The following STAT4 variants were observed in gnomAD, a reference collection of about 807,000 sequenced individuals.
STAT4 encodes the protein signal transducer and activator of transcription 4.
Under a neutral mutation model 110.5 loss-of-function variants are expected in STAT4, and 42 were observed. That is an observed-to-expected ratio of 0.38 (90% confidence interval 0.30 to 0.49). STAT4 has a LOEUF of 0.49. Ranked by LOEUF, STAT4 falls within the 20% of genes least tolerant of loss-of-function variation. The pLI is 0.95. For synonymous variants in STAT4, 284 were observed against 302.2 expected, an observed-to-expected ratio of 0.94 and a Z score of 0.63; for missense variants, 632 against 887.9, an observed-to-expected ratio of 0.71 and a Z score of 3.66.
intron 13 of STAT4, among the ~76,000 whole-genome samples, chr2:191,055,800 A>C (rs945608809): frequency 6.6e-6 from 1 of 152,216 alleles, no homozygotes; most frequent in Non-Finnish European, 1.5e-5. Flanking sequence ...TGAAATAAAG[A>C]CCTAACTGAT....
rs7602800 is a variant in STAT4, at chr2:191,142,244, T to C, written c.273+4369A>G. Reference sequence around the variant, plus strand: ...ATATATATATACACACACACACACATGCATACACACATATAATAGAATACT... The same window carrying C: ...ATATATATATACACACACACACACACGCATACACACATATAATAGAATACT... On this transcript the variant is annotated intron_variant, in intron 3 of 23. Transcript: ENST00000392320. The surrounding 1 kb of genome is among the most constrained non-coding windows in gnomAD (Gnocchi z 4.1). 0.034 allele frequency among the ~76,000 whole-genome samples: 5,205 copies of C among 150,946 alleles called. 307 individuals carry two copies. Among genetic ancestry groups the C allele is most frequent in the African/African-American group, 0.12 (4,916 of 40,690 alleles).
At chr2:191,055,365 ATTTTTTTTTT>A (rs371295889) in intron 13 of STAT4, among the ~76,000 whole-genome samples, 1 of 96,956 alleles carries the variant, frequency 1.0e-5, no homozygotes, top group African/African-American at 4.1e-5. Context: ...AGCCTGGCTA[ATTTTTTTTTT>A]TTTTTTTTTT....
Position 191,113,045 on chromosome 2 carries a change from A to G in STAT4, c.273+33568T>C, listed in dbSNP as rs1698469284. ...TCACACGAGTAGGGCAAGTGGGCCC[A>G]TCAGTTGTGCTGGTCTAAGCTCCCC... On this transcript the variant is annotated intron_variant, in intron 3 of 23. Transcript: ENST00000392320. The surrounding 1 kb of genome is among the most constrained non-coding windows in gnomAD (Gnocchi z 4.8). Among the ~76,000 whole-genome samples, 1 of 152,212 alleles carries G rather than the reference A, an allele frequency of 6.6e-6. No individual in the cohort carries two copies. The highest frequency in any genetic ancestry group is 2.4e-5 in the African/African-American group (1 of 41,464).
rs781181310 is a variant in STAT4, at chr2:191,043,418, G to A, written c.1252-2270C>T. On this transcript the variant is annotated intron_variant, in intron 14 of 23. Coordinates refer to ENST00000392320, the MANE Select transcript of STAT4 (RefSeq NM_003151.4). The surrounding 1 kb of genome is among the most constrained non-coding windows in gnomAD (Gnocchi z 4.8). ...GAAAGAGAACAGAGAAAATGGAGTA[G>A]AGGAAATGTCAAAGACATAAACAAA... Among the ~76,000 whole-genome samples, 57 of 152,158 alleles carry A rather than the reference G, an allele frequency of 3.7e-4. No homozygotes were observed. Among genetic ancestry groups the A allele is most frequent in the Admixed American group, 7.9e-4 (12 of 15,268 alleles).
intron 17 of STAT4, 47 bp downstream of exon 17, chr2:191,036,117 T>G (rs769621378): frequency 1.3e-6 from 2 of 1,594,134 alleles, no homozygotes; most frequent in Non-Finnish European, 1.7e-6. Context: ...TTAAAATGCC[T>G]GAGGGCCAAA....
rs181432530 is a variant in STAT4 at position 191,036,656 on chromosome 2, A to G, written c.1435-357T>C. On this transcript the variant is annotated intron_variant, in intron 16 of 23. Coordinates refer to ENST00000392320, the MANE Select transcript of STAT4 (RefSeq NM_003151.4). ...CCCGCTTGGCCCTCTTCCAAGTTGT[A>G]CTTTCCTTTCCTTCCTTTTCTTACT... is the stretch of plus-strand genomic sequence containing the variant. 4.9e-4 allele frequency among the ~76,000 whole-genome samples: 75 copies of G among 152,238 alleles called. 1 individual carries two copies. The highest frequency in any genetic ancestry group is 4.2e-3 in the Admixed American group (65 of 15,304).
chr2:191,146,679 A>G lies in STAT4; in HGVS notation c.207T>C (p.Gly69=). The change falls in exon 3 of 24, where the codon GGT becomes GGC. Residue 69 remains glycine, a synonymous_variant. Transcript: ENST00000392320. This position sits in a 1 kb window ranked among gnomAD's most constrained non-coding sequence, Gnocchi z 4.5. ...NLLIQLDEQL[G]RVSKEKNLLL... is the part of the protein sequence containing the mutation. Reference sequence around the variant, plus strand: ...GTAGGTTTTTCTCTTTGGAAACACGACCTAACTGTTCATCCAGTTGTATTA... The same window carrying G: ...GTAGGTTTTTCTCTTTGGAAACACGGCCTAACTGTTCATCCAGTTGTATTA... 6.3e-7 allele frequency: 1 copy of G among 1,595,910 alleles called. No individual in the cohort carries two copies. The highest frequency in any genetic ancestry group is 2.3e-5 in the East Asian group (1 of 44,204).
At chr2:191,126,532 C>A (rs191677825) in intron 3 of STAT4, among the ~76,000 whole-genome samples, 1 of 152,212 alleles carries the variant, frequency 6.6e-6, no homozygotes, top group African/African-American at 2.4e-5. Context: ...TCTTTCTCTA[C>A]CAGCATCTGT....
At chr2:191,041,043 T>C (rs1696183810) in intron 15 of STAT4, 22 bp downstream of exon 15, 1 of 1,393,522 alleles carries the variant, frequency 7.2e-7, no homozygotes. Context: ...TAGTAAATAG[T>C]GTATGTTCTT....
At position 191,066,379 on chromosome 2, in the gene STAT4, A is replaced by G; in HGVS notation, c.630+51T>C. On this transcript the variant is annotated intron_variant, in intron 7 of 23. Coordinates refer to ENST00000392320, the MANE Select transcript of STAT4 (RefSeq NM_003151.4). This position sits in a 1 kb window ranked among gnomAD's most constrained non-coding sequence, Gnocchi z 4.3. The stretch of plus-strand genomic sequence containing the variant: ...GATTATTTTCAGTTAGTCTAAGTTT[A>G]GAAAAAAGGAGAAAAATAGGCAAAA... 1.3e-6 allele frequency: 2 copies of G among 1,484,356 alleles called. No homozygotes were observed. Among genetic ancestry groups the G allele is most frequent in the Non-Finnish European group, 1.9e-6 (2 of 1,066,284 alleles). The allele number at this position is 1,484,356 out of a possible 1,614,324, so 91.9% of individuals were successfully genotyped here. A position where few individuals can be genotyped will look rare whatever the true frequency, so the allele number is the denominator to read the frequency against.
rs1559070294 is a variant in STAT4 at position 191,107,868 on chromosome 2, G to A, written c.274-31543C>T. The stretch of plus-strand genomic sequence containing the variant: ...AGAAGTCCTAACATTTCTATAGGAT[G>A]AAGGGCCCAAAGTTTCTACAGAACA... On this transcript the variant is annotated intron_variant, in intron 3 of 23. Coordinates refer to ENST00000392320, the MANE Select transcript of STAT4 (RefSeq NM_003151.4). The surrounding 1 kb of genome is among the most constrained non-coding windows in gnomAD (Gnocchi z 4.2). Among the ~76,000 whole-genome samples the A allele has an allele frequency of 2.6e-5, 4 of 152,184 alleles. No homozygotes were observed. The highest frequency in any genetic ancestry group is 1.3e-4 in the Admixed American group (2 of 15,286).
At chr2:191,068,300 A>G in intron 6 of STAT4, 1 of 152,194 alleles carries the variant, frequency 6.6e-6, no homozygotes, top group African/African-American at 2.4e-5. Flanking sequence ...GCTGCCTTCA[A>G]TGAACATCAC....
chr2:191,034,389 C>T (rs904493282), intron 18 of STAT4, among the ~76,000 whole-genome samples, 159 bp downstream of exon 18: 9 of 150,080 alleles, frequency 6.0e-5, no homozygotes, highest in Non-Finnish European at 8.9e-5. Flanking sequence ...CGCCACTGCA[C>T]TCCAGCCTGG....
rs2125142371 is a variant in STAT4, at chr2:191,033,710, A to G, written c.1716-84T>C. ...TTACAAAGACCTACAGTTTGTTTTG[A>G]GTGTAATCAAAAGTCATTCTTACCT... is the stretch of plus-strand genomic sequence containing the variant. On this transcript the variant is annotated intron_variant, in intron 19 of 23. Coordinates refer to ENST00000392320, the MANE Select transcript of STAT4 (RefSeq NM_003151.4). The surrounding 1 kb of genome is among the most constrained non-coding windows in gnomAD (Gnocchi z 6.9). 1 of 1,545,336 alleles carries G rather than the reference A, an allele frequency of 6.5e-7. No homozygotes were observed. The highest frequency in any genetic ancestry group is 8.7e-7 in the Non-Finnish European group (1 of 1,146,258).
intron 3 of STAT4, among the ~76,000 whole-genome samples, chr2:191,128,325 G>A (rs965692675): frequency 2.6e-5 from 4 of 152,100 alleles, no homozygotes; most frequent in Non-Finnish European, 4.4e-5. Context: ...TCAGGTTGAG[G>A]TCATCTCTTT....
At chr2:191,093,930 C>T (rs4274624) in intron 3 of STAT4, among the ~76,000 whole-genome samples, 118,904 of 152,126 alleles carry the variant, frequency 0.78, 46,760 homozygotes, top group African/African-American at 0.85. Flanking sequence ...GCATGGGAAC[C>T]ATGTGAGGCA....
intron 14 of STAT4, among the ~76,000 whole-genome samples, chr2:191,044,078 T>G (rs1286292683): frequency 6.6e-6 from 1 of 152,170 alleles, no homozygotes; most frequent in Non-Finnish European, 1.5e-5. Flanking sequence ...TTGCAAAGTT[T>G]GAATTTTTAA....
rs541008626 is a variant in STAT4, at chr2:191,087,363, T to C, written c.274-11038A>G. ...GTGGGGACTAAAGGAAATTAAAATA[T>C]TTTACTCCCAAATATATTTCTTTGA... On this transcript the variant is annotated intron_variant, in intron 3 of 23. Coordinates refer to ENST00000392320, the MANE Select transcript of STAT4 (RefSeq NM_003151.4). 4.6e-5 allele frequency among the ~76,000 whole-genome samples: 7 copies of C among 152,274 alleles called. No individual in the cohort carries two copies. The South Asian group carries it at 8.3e-4, about 18-fold the overall frequency.
intron 3 of STAT4, among the ~76,000 whole-genome samples, chr2:191,124,232 G>A (rs1382787857): frequency 1.3e-5 from 2 of 152,168 alleles, no homozygotes; most frequent in South Asian, 2.1e-4. Flanking sequence ...GGAGGCTGGC[G>A]GATTGCGAGG....
Sources: gnomAD v4.1 joint callset for allele counts (sites outside exome capture counted in the v4.1 genomes callset) on GRCh38, gnomAD v4.1.1 for gene constraint, Gnocchi (gnomAD v3.1) non-coding constraint, MANE v1.5 for transcripts, NCBI Gene and HGNC (gene_info 2026-07-23, HGNC 2026-07-21) for gene names.